The following RELL1 variants were observed in gnomAD, a reference collection of about 807,000 sequenced individuals.
RELL1 encodes RELT-like protein 1.
Under a neutral mutation model 23.0 loss-of-function variants are expected in RELL1, and 10 were observed. The ratio of observed to expected loss-of-function variants is 0.43; its 90% CI spans 0.27 to 0.74. The LOEUF (loss-of-function observed/expected upper bound fraction) is 0.74, where lower values mean the gene tolerates loss of function less well. Ranked by LOEUF, RELL1 falls within the 30% of genes least tolerant of loss-of-function variation. RELL1 has a pLI of 0.19. For synonymous variants in RELL1, 146 were observed against 146.8 expected (o/e 0.99, Z 0.04); for missense variants, 315 against 364.4 (o/e 0.86, Z 1.10).
chr4:37,598,275 A>AAG (rs1718929532), intron 6 of RELL1, among the ~76,000 whole-genome samples: 1 of 142,096 alleles, frequency 7.0e-6, no homozygotes, highest in Non-Finnish European at 1.5e-5. Context: ...AAAAAAAAAA[A>AAG]AAAAAAAAAG....
intron 1 of RELL1, among the ~76,000 whole-genome samples, chr4:37,679,685 TG>T (rs1722138852): frequency 6.6e-6 from 1 of 152,164 alleles, no homozygotes; most frequent in African/African-American, 2.4e-5. Context: ...CTGGGTGTGG[TG>T]GTGCATCCCT....
At chr4:37,595,022 C>T (rs894840546) in intron 6 of RELL1, among the ~76,000 whole-genome samples, 12 of 152,150 alleles carry the variant, frequency 7.9e-5, no homozygotes, top group East Asian at 1.9e-4. Context: ...GGCTTTATGA[C>T]GAAAACGTAG....
chr4:37,591,067 G>C, exon 7 of RELL1: 1 of 1,332,002 alleles, frequency 7.5e-7, no homozygotes, highest in Non-Finnish European at 1.0e-6. Context: ...TTGCTCCCTG[G>C]ATGCATAGCA....
chr4:37,594,059 A>G (rs1275319772), intron 6 of RELL1, among the ~76,000 whole-genome samples: 1 of 152,216 alleles, frequency 6.6e-6, no homozygotes, highest in Non-Finnish European at 1.5e-5. Flanking sequence ...CTGTAGTTTT[A>G]AAGATTCTCT....
rs1218204935 is a variant in RELL1, at chr4:37,611,216, C to CTTAT, written c.*2126_*2129dup. ...CATATTTTTAAAGCAAAAAAGTATG[C>CTTAT]TTATTTGTTTTTAATTAAAATGATT... On this transcript the variant is annotated 3_prime_UTR_variant, in exon 7 of 7. Coordinates refer to ENST00000454158, the MANE Select transcript of RELL1 (RefSeq NM_001085400.2). 2.0e-5 allele frequency among the ~76,000 whole-genome samples: 3 copies of CTTAT among 152,068 alleles called. No homozygotes were observed. Among genetic ancestry groups the CTTAT allele is most frequent in the African/African-American group, 4.8e-5 (2 of 41,398 alleles).
intron 6 of RELL1, among the ~76,000 whole-genome samples, chr4:37,595,013 G>C (rs1048058084): frequency 1.3e-5 from 2 of 152,140 alleles, no homozygotes; most frequent in African/African-American, 4.8e-5. Context: ...ACACAACCAG[G>C]CTTTATGACG....
intron 1 of RELL1, among the ~76,000 whole-genome samples, chr4:37,668,251 T>C (rs1445975973): frequency 8.4e-6 from 1 of 118,916 alleles, no homozygotes; most frequent in Non-Finnish European, 1.7e-5. Context: ...TTCCACGGTC[T>C]CCCTCTGATA....
intron 1 of RELL1, among the ~76,000 whole-genome samples, chr4:37,672,228 C>T (rs1374242784): frequency 6.6e-6 from 1 of 152,140 alleles, no homozygotes. Flanking sequence ...CCTGTAATCA[C>T]ATGGTTGGTT....
At chr4:37,663,736 G>GGGGC (rs1721435387) in intron 1 of RELL1, among the ~76,000 whole-genome samples, 1 of 152,168 alleles carries the variant, frequency 6.6e-6, no homozygotes, top group Non-Finnish European at 1.5e-5. Context: ...CACACTCTTA[G>GGGGC]CCATGTTGCT....
In RELL1 at chr4:37,635,001, C is replaced by G. The variant is rs1261125441; in HGVS notation, c.566G>C (p.Arg189Thr). The change falls in exon 5 of 7, where the codon AGG becomes ACG. Residue 189 changes from arginine to threonine, a missense_variant. Physicochemically the swap from Arg to Thr is moderately conservative, Grantham distance 71 (BLOSUM62 -1). Transcript: ENST00000454158. ...HLHTVGGVVE[R>T]DVCHRCRHKR... ...GTGCCTACACCGATGACACACATCC[C>G]TCTCGACAACACCGCCCACCGTATG... The G allele has an allele frequency of 3.1e-6, 5 of 1,614,058 alleles. No homozygotes were observed. In the African/African-American group the frequency reaches 6.7e-5, roughly 22 times the overall value.
At chr4:37,604,864 C>A (rs1168231585) in intron 6 of RELL1, among the ~76,000 whole-genome samples, 1 of 111,142 alleles carries the variant, frequency 9.0e-6, no homozygotes, top group Admixed American at 8.4e-5. Flanking sequence ...CACACACACA[C>A]AGACACACAC....
intron 6 of RELL1, among the ~76,000 whole-genome samples, chr4:37,593,694 A>C (rs984312896): frequency 6.6e-6 from 1 of 152,236 alleles, no homozygotes; most frequent in African/African-American, 2.4e-5. Flanking sequence ...GGAAATGGAC[A>C]ATGAGTTTCG....
At chr4:37,686,118 T>A (rs1649784690) in intron 1 of RELL1, 82 bp downstream of exon 1, 1 of 1,178,494 alleles carries the variant, frequency 8.5e-7, no homozygotes, top group Non-Finnish European at 1.2e-6. Context: ...GCCGCGGGGC[T>A]GCCGTCCCGA....
chr4:37,633,554 T>A lies in RELL1; in HGVS notation c.680+1333A>T, dbSNP rs1193389289. ...TTCTCACTGCTTTGCATTCATAAAT[T>A]CCCATGACTCTGCTTCTTAATAAAA... On this transcript the variant is annotated intron_variant, in intron 5 of 6. Transcript: ENST00000454158. 2.0e-5 allele frequency among the ~76,000 whole-genome samples: 3 copies of A among 151,902 alleles called. No individual in the cohort carries two copies. The East Asian group carries it at 5.8e-4, about 29-fold the overall frequency.
chr4:37,658,320 G>A (rs928196548), intron 1 of RELL1, among the ~76,000 whole-genome samples: 2 of 152,148 alleles, frequency 1.3e-5, no homozygotes, highest in Non-Finnish European at 2.9e-5. Context: ...GCTAGAGTAC[G>A]AAAGAGAACA....
At chr4:37,613,673 C>T (rs767149780) in intron 6 of RELL1, among the ~76,000 whole-genome samples, 1 of 152,144 alleles carries the variant, frequency 6.6e-6, no homozygotes, top group Non-Finnish European at 1.5e-5. Flanking sequence ...AAAGCCAGTT[C>T]ACTGGAAGTC....
chr4:37,625,366 A>T (rs1375796318), intron 6 of RELL1, among the ~76,000 whole-genome samples: 1 of 152,218 alleles, frequency 6.6e-6, no homozygotes, highest in Non-Finnish European at 1.5e-5. Context: ...GACAAATGGG[A>T]TTTCATCAAA....
intron 6 of RELL1, among the ~76,000 whole-genome samples, chr4:37,592,342 C>A (rs1271489483): frequency 1.4e-5 from 2 of 140,838 alleles, no homozygotes; most frequent in Non-Finnish European, 3.1e-5. Context: ...TTAGCGAGAC[C>A]CCATCTCTAT....
intron 6 of RELL1, among the ~76,000 whole-genome samples, chr4:37,598,252 CAAAAAAAAAAAA>C (rs56142508): frequency 2.2e-3 from 25 of 11,344 alleles, no homozygotes; most frequent in South Asian, 8.9e-3. Flanking sequence ...AACTCTGTCT[CAAAAAAAAAAAA>C]AAAAAAAAAA....
Sources: allele counts gnomAD v4.1 joint callset (sites outside exome capture counted in the v4.1 genomes callset), GRCh38; gene constraint gnomAD v4.1.1; transcripts MANE v1.5; gene names NCBI Gene and HGNC (gene_info 2026-07-23, HGNC 2026-07-21).